STRIP2: variants seen among roughly 807,000 people sequenced by gnomAD.
The protein encoded by STRIP2 is striatin-interacting protein 2.
A neutral mutation model predicts 107.1 loss-of-function variants in STRIP2; 84 were observed. That is an observed-to-expected ratio of 0.78 (90% CI 0.66 to 0.94). The LOEUF is 0.94. STRIP2 is among the 40% of genes least tolerant of loss of function. STRIP2 has a pLI of 0.00. For synonymous variants in STRIP2, 394 were observed against 400.4 expected (o/e 0.98, Z 0.19); for missense variants, 888 against 1,034.2 (o/e 0.86, Z 1.94).
intron 5 of STRIP2, 44 bp from the exon 6 acceptor site, chr7:129,454,098 A>T: frequency 6.4e-7 from 1 of 1,573,740 alleles, no homozygotes; most frequent in African/African-American, 1.3e-5. Context: ...ACAGAGAGAA[A>T]AGAAGTCTTA....
intron 3 of STRIP2, among the ~76,000 whole-genome samples, chr7:129,444,917 T>TAC (rs1202461201): frequency 6.6e-6 from 1 of 152,192 alleles, no homozygotes; most frequent in Non-Finnish European, 1.5e-5. Context: ...TACAAGTGTA[T>TAC]ACACGCACAA....
Position 129,486,924 on chromosome 7 carries a change from A to G in STRIP2, c.*1095A>G, listed in dbSNP as rs1208935741. 6.7e-6 allele frequency: 1 copy of G among 149,714 alleles called. No individual in the cohort carries two copies. Among genetic ancestry groups the G allele is most frequent in the Non-Finnish European group, 1.5e-5 (1 of 67,618 alleles). 9.3% of individuals were successfully genotyped at this position (149,714 alleles called of 1,614,324 possible). A position where few individuals can be genotyped will look rare whatever the true frequency, so the allele number is the denominator to read the frequency against. On this transcript the variant is annotated 3_prime_UTR_variant, in exon 21 of 21. Coordinates refer to ENST00000249344, the MANE Select transcript of STRIP2 (RefSeq NM_020704.3). ...ACCAGCCTCTTTATATTTCTCTTTT[A>G]CAGCAGAATCACATACTTCTCAAGA...
chr7:129,462,854 A>C (rs946276523), intron 13 of STRIP2, 112 bp from the exon 14 acceptor site: 2 of 770,616 alleles, frequency 2.6e-6, no homozygotes, highest in African/African-American at 3.5e-5. Context: ...GTAGAAACCT[A>C]GATCTGACTC....
intron 2 of STRIP2, among the ~76,000 whole-genome samples, chr7:129,441,340 T>A (rs183349755): frequency 6.6e-6 from 1 of 152,140 alleles, no homozygotes; most frequent in African/African-American, 2.4e-5. Context: ...TGTGCACATA[T>A]TGTGACCCAA....
chr7:129,456,461 A>G lies in STRIP2; in HGVS notation c.857A>G (p.His286Arg). ...TAGTTTACCCTCGGTGGATTTGAGC[A>G]TCTGCAGACTCTCAAAGTACAGAAG... ...VVMFTLGGFE[H>R]LQTLKVQKRA... Residue 286 changes from histidine to arginine, a missense_variant, in exon 9 of 21, where the codon CAT (histidine) becomes CGT (arginine). Transcript: ENST00000249344. 6.2e-7 allele frequency: 1 copy of G among 1,613,480 alleles called. No individual in the cohort carries two copies. The highest frequency in any genetic ancestry group is 1.1e-5 in the South Asian group (1 of 91,036).
intron 3 of STRIP2, 122 bp downstream of exon 3, chr7:129,444,220 T>A: frequency 6.0e-6 from 4 of 667,318 alleles, no homozygotes; most frequent in Non-Finnish European, 1.0e-5. Context: ...TAGGGTTCTC[T>A]TAGAGGGATA....
rs370580251 is a variant in STRIP2, at chr7:129,470,707, G to C, written c.1936G>C (p.Glu646Gln). The C allele has an allele frequency of 6.2e-7, 1 of 1,613,758 alleles. No individual in the cohort carries two copies. Among genetic ancestry groups the C allele is most frequent in the East Asian group, 2.2e-5 (1 of 44,884 alleles). ...CCAGGATTTGCCGGAGCTTACTACT[G>C]AAAGTCTGGTAAGCAGATGGGGATT... is the stretch of plus-strand genomic sequence containing the variant. The part of the protein sequence containing the change: ...TIQDLPELTT[E>Q]SLEAGDNSQF... The change falls in exon 18 of 21, where the codon GAA becomes CAA. Residue 646 changes from glutamate to glutamine, a missense_variant. Physicochemically the swap from Glu to Gln is conservative, Grantham distance 29 (BLOSUM62 2). Transcript: ENST00000249344.
At chr7:129,454,689 G>A (rs1000119000) in intron 7 of STRIP2, among the ~76,000 whole-genome samples, 162 bp downstream of exon 7, 3 of 152,124 alleles carry the variant, frequency 2.0e-5, no homozygotes, top group African/African-American at 7.2e-5. Context: ...CAGGCACAAG[G>A]GCTGGGCTTG....
chr7:129,454,490 G>T lies in STRIP2; in HGVS notation c.669G>T (p.Gly223=). 2 of 1,614,138 alleles carry T rather than the reference G, an allele frequency of 1.2e-6. No homozygotes were observed. The highest frequency in any genetic ancestry group is 1.7e-6 in the Non-Finnish European group (2 of 1,179,954). ...TGGAGCGAGAGACAGACCCCTGTGG[G>T]TGGAGAACAGCCCGGGAGACCTTCC... is the stretch of plus-strand genomic sequence containing the variant. ...IRLERETDPC[G]WRTARETFRT... Residue 223 remains glycine, a synonymous_variant, in exon 7 of 21, where the codon GGG becomes GGT. Coordinates refer to ENST00000249344, the MANE Select transcript of STRIP2 (RefSeq NM_020704.3).
Position 129,487,224 on chromosome 7 carries a change from A to G in STRIP2, c.*1395A>G, listed in dbSNP as rs1033820761. 1 of 152,178 alleles carries G rather than the reference A, an allele frequency of 6.6e-6. No individual in the cohort carries two copies. Among genetic ancestry groups the G allele is most frequent in the Non-Finnish European group, 1.5e-5 (1 of 68,110 alleles). 9.4% of individuals were successfully genotyped at this position (152,178 alleles called of 1,614,324 possible). ...GAAACAGGGTTTCACCATGTTAGCC[A>G]GGCTGACCTCAAACTCCTGACCTCA... On this transcript the variant is annotated 3_prime_UTR_variant, in exon 21 of 21. Coordinates refer to ENST00000249344, the MANE Select transcript of STRIP2 (RefSeq NM_020704.3).
At chr7:129,475,541 C>A in intron 18 of STRIP2, among the ~76,000 whole-genome samples, 1 of 73,768 alleles carries the variant, frequency 1.4e-5, no homozygotes, top group East Asian at 4.8e-4. Flanking sequence ...GTGGTGATGA[C>A]TCTTTTTTTT....
At chr7:129,482,635 C>T (rs951468402) in intron 19 of STRIP2, among the ~76,000 whole-genome samples, 2 of 151,986 alleles carry the variant, frequency 1.3e-5, no homozygotes, top group Admixed American at 6.6e-5. Context: ...GCTTCGGCCT[C>T]CCAAAGTGCT....
chr7:129,459,998 C>T (rs1798485302), intron 12 of STRIP2, among the ~76,000 whole-genome samples: 1 of 152,116 alleles, frequency 6.6e-6, no homozygotes, highest in Non-Finnish European at 1.5e-5. Flanking sequence ...GGCAGTGGTC[C>T]AGGGGCAGGG....
chr7:129,451,308 T>C (rs937463784), intron 3 of STRIP2, among the ~76,000 whole-genome samples: 1 of 151,924 alleles, frequency 6.6e-6, no homozygotes, highest in Non-Finnish European at 1.5e-5. Context: ...CCTGTAAGGA[T>C]GACTAGGAAT....
intron 14 of STRIP2, 131 bp from the exon 15 acceptor site, chr7:129,463,913 T>TA (rs770832284): frequency 3.8e-5 from 26 of 676,774 alleles, no homozygotes; most frequent in Non-Finnish European, 6.0e-5. Context: ...GCTGGGGAGA[T>TA]ATGGTCATTG....
intron 18 of STRIP2, among the ~76,000 whole-genome samples, chr7:129,475,676 A>G (rs1798904602): frequency 6.6e-6 from 1 of 151,496 alleles, no homozygotes. Flanking sequence ...CAAGTGAACA[A>G]AGGTCTCTGG....
At chr7:129,445,450 G>A (rs953228509) in intron 3 of STRIP2, among the ~76,000 whole-genome samples, 4 of 152,014 alleles carry the variant, frequency 2.6e-5, no homozygotes, top group East Asian at 1.9e-4. Flanking sequence ...CCAGCAGAAC[G>A]TAATGTCACG....
At chr7:129,481,269 C>T (rs747857377) in intron 19 of STRIP2, among the ~76,000 whole-genome samples, 2 of 152,136 alleles carry the variant, frequency 1.3e-5, no homozygotes, top group South Asian at 2.1e-4. Context: ...GAAGCCGAGG[C>T]GGGCAGATAA....
At chr7:129,444,828 A>C (rs1011958522) in intron 3 of STRIP2, among the ~76,000 whole-genome samples, 1 of 152,244 alleles carries the variant, frequency 6.6e-6, no homozygotes. Flanking sequence ...TAAAGTTAAC[A>C]ATACTTAAAT....
Sources: gnomAD v4.1 joint callset for allele counts (sites outside exome capture counted in the v4.1 genomes callset) on GRCh38, gnomAD v4.1.1 for gene constraint, MANE v1.5 for transcripts, NCBI Gene and HGNC (gene_info 2026-07-23, HGNC 2026-07-21) for gene names.